The following GRAMD2A variants were observed in gnomAD, a reference collection of about 807,000 sequenced individuals.
GRAMD2A encodes the protein GRAM domain-containing protein 2A.
GRAMD2A carries 37 observed loss-of-function variants against 51.1 expected under a neutral mutation model. That is an observed-to-expected ratio of 0.72 (90% CI 0.56 to 0.95). GRAMD2A has a LOEUF of 0.95. GRAMD2A is among the 40% of genes least tolerant of loss of function. The pLI is 0.00. For missense variants in GRAMD2A, 414 were observed against 426.9 expected, an observed-to-expected ratio of 0.97 and a Z score of 0.27; for synonymous variants, 136 against 157.1, an observed-to-expected ratio of 0.87 and a Z score of 1.01.
Position 72,174,879 on chromosome 15 carries a change from C to T in GRAMD2A, c.42-4940G>A, listed in dbSNP as rs188742441. On this transcript the variant is annotated intron_variant, in intron 1 of 11. Transcript: ENST00000309731. ...CAGATACACAGGAGTCTAGGGGCCT[C>T]GTGGTGCACCTGACACAGGCATTCT... 2.0e-4 allele frequency among the ~76,000 whole-genome samples: 30 copies of T among 152,132 alleles called. 1 individual carries two copies. Among genetic ancestry groups the T allele is most frequent in the Admixed American group, 1.6e-3 (24 of 15,282 alleles).
At chr15:72,165,271 TG>T in intron 8 of GRAMD2A, 82 bp downstream of exon 8, 1 of 1,259,638 alleles carries the variant, frequency 7.9e-7, no homozygotes, top group Non-Finnish European at 1.2e-6. Flanking sequence ...TTCTGCATTG[TG>T]GGCCCCCCTA....
rs546446233 is a variant in GRAMD2A at position 72,188,332 on chromosome 15, G to T, written c.41+9399C>A. ...AGCCTGGGCAACAGAGCTAGACTTC[G>T]TCTCAAAGAAAAAAAAAAAAAAAGA... is the stretch of plus-strand genomic sequence containing the variant. On this transcript the variant is annotated intron_variant, in intron 1 of 11. Transcript: ENST00000309731. Among the ~76,000 whole-genome samples the T allele has an allele frequency of 8.3e-5, 12 of 144,790 alleles. No individual in the cohort carries two copies. The East Asian group carries it at 2.2e-3, about 26-fold the overall frequency. 95.0% of individuals were successfully genotyped at this position (144,790 alleles called of 152,430 possible).
chr15:72,178,812 G>A (rs143462564), intron 1 of GRAMD2A, among the ~76,000 whole-genome samples: 3,721 of 151,996 alleles, frequency 0.024, 102 homozygotes, highest in East Asian at 0.13. Flanking sequence ...CTGACCTTGT[G>A]ATCCGCCCGC....
rs1403324399 is a variant in GRAMD2A, at chr15:72,169,915, T to C, written c.66A>G (p.Thr22=). ...AGGACACAGGACTGTTCAGAGAAGC[T>C]GTCTTTCTGTGCATTTGTTGGTTGC... ...EGGNQQMHRK[T]ASLNSPVSCK... Residue 22 remains threonine, a synonymous_variant, in exon 2 of 12, where the codon ACA becomes ACG. Transcript: ENST00000309731. 10 of 1,614,062 alleles carry C rather than the reference T, an allele frequency of 6.2e-6. No individual in the cohort carries two copies. Among genetic ancestry groups the C allele is most frequent in the Non-Finnish European group, 7.6e-6 (9 of 1,180,006 alleles).
Position 72,160,018 on chromosome 15 carries a change from CAG to C in GRAMD2A, c.*1989_*1990del, listed in dbSNP as rs1038096010. 1.3e-5 allele frequency: 2 copies of C among 152,290 alleles called. No homozygotes were observed. Among genetic ancestry groups the C allele is most frequent in the African/African-American group, 2.4e-5 (1 of 41,402 alleles). The allele number at this position is 152,290 out of a possible 1,614,324, so 9.4% of individuals were successfully genotyped here. A position where few individuals can be genotyped will look rare whatever the true frequency, so the allele number is the denominator to read the frequency against. ...CAGGCAGGGGGACAACAGAGAGAAA[CAG>C]AGCACTATCTGGAGGGACAGGCACA... On this transcript the variant is annotated 3_prime_UTR_variant, in exon 12 of 12. Coordinates refer to ENST00000309731, the MANE Select transcript of GRAMD2A (RefSeq NM_001012642.3).
chr15:72,185,452 C>T (rs2081728878), intron 1 of GRAMD2A, among the ~76,000 whole-genome samples: 1 of 152,190 alleles, frequency 6.6e-6, no homozygotes, highest in Admixed American at 6.5e-5. Context: ...CCTCAGCCTC[C>T]CAAAGTGCTG....
intron 1 of GRAMD2A, among the ~76,000 whole-genome samples, chr15:72,182,286 G>C (rs1352834798): frequency 6.7e-6 from 1 of 149,020 alleles, no homozygotes; most frequent in Non-Finnish European, 1.5e-5. Flanking sequence ...AATTGTTTGA[G>C]CCCGGGAGGT....
At chr15:72,195,394 C>G (rs1185459044) in intron 1 of GRAMD2A, among the ~76,000 whole-genome samples, 1 of 152,122 alleles carries the variant, frequency 6.6e-6, no homozygotes, top group African/African-American at 2.4e-5. Context: ...AAACATGGTC[C>G]GTGGCAGGCA....
At chr15:72,193,321 A>C (rs140641636) in intron 1 of GRAMD2A, among the ~76,000 whole-genome samples, 17,722 of 146,948 alleles carry the variant, frequency 0.12, 1,458 homozygotes, top group Non-Finnish European at 0.18. Flanking sequence ...GGTTCAAGCG[A>C]TTTTCCTGCC....
chr15:72,168,276 G>C (rs1370434187), intron 4 of GRAMD2A, among the ~76,000 whole-genome samples: 2 of 152,198 alleles, frequency 1.3e-5, no homozygotes. Context: ...CCAAAGCCCT[G>C]ACGTTTCCCC....
chr15:72,177,837 C>A (rs1275716012), intron 1 of GRAMD2A, among the ~76,000 whole-genome samples: 1 of 152,214 alleles, frequency 6.6e-6, no homozygotes, highest in African/African-American at 2.4e-5. Context: ...AAGAGATTCT[C>A]ATGTATCAGC....
intron 1 of GRAMD2A, among the ~76,000 whole-genome samples, chr15:72,173,013 A>T (rs537250831): frequency 1.6e-4 from 25 of 152,276 alleles, no homozygotes; most frequent in African/African-American, 6.0e-4. Context: ...CTGTGGGCTC[A>T]GCTCTGAAGA....
At chr15:72,172,918 G>A (rs547494505) in intron 1 of GRAMD2A, among the ~76,000 whole-genome samples, 1 of 152,152 alleles carries the variant, frequency 6.6e-6, no homozygotes, top group Admixed American at 6.5e-5. Flanking sequence ...GGACAGGCCT[G>A]GGGGGAGTAG....
In GRAMD2A at chr15:72,160,584, C is replaced by G. The variant is rs542144075; in HGVS notation, c.*1425G>C. 6.6e-6 allele frequency: 1 copy of G among 152,318 alleles called. No individual in the cohort carries two copies. The highest frequency in any genetic ancestry group is 1.5e-5 in the Non-Finnish European group (1 of 68,032). 9.4% of individuals were successfully genotyped at this position (152,318 alleles called of 1,614,324 possible). On this transcript the variant is annotated 3_prime_UTR_variant, in exon 12 of 12. Coordinates refer to ENST00000309731, the MANE Select transcript of GRAMD2A (RefSeq NM_001012642.3). The stretch of plus-strand genomic sequence containing the variant: ...CTGGATTTCATTCCCTGATTAATCT[C>G]TCAGTGTCTGAAGAGGGGAAAACAG...
intron 1 of GRAMD2A, among the ~76,000 whole-genome samples, chr15:72,195,766 C>G (rs1327705544): frequency 1.3e-5 from 2 of 151,760 alleles, no homozygotes; most frequent in Admixed American, 6.6e-5. Context: ...CTAAAAAATA[C>G]AAAATTAGCC....
At chr15:72,163,810 C>A in intron 8 of GRAMD2A, 53 bp from the exon 9 acceptor site, 1 of 1,563,100 alleles carries the variant, frequency 6.4e-7, no homozygotes, top group Non-Finnish European at 8.6e-7. Flanking sequence ...ATCTCACTTG[C>A]CCTAAGGAGC....
At chr15:72,194,180 G>C (rs917078055) in intron 1 of GRAMD2A, among the ~76,000 whole-genome samples, 3 of 152,254 alleles carry the variant, frequency 2.0e-5, no homozygotes, top group African/African-American at 2.4e-5. Flanking sequence ...CATCAGAGAT[G>C]GCTGCAGAAT....
At position 72,161,601 on chromosome 15, in the gene GRAMD2A, TGGC is replaced by T; in HGVS notation, c.*405_*407del. 3.9e-6 allele frequency: 1 copy of T among 258,338 alleles called. No individual in the cohort carries two copies. The highest frequency in any genetic ancestry group is 7.6e-6 in the Non-Finnish European group (1 of 131,736). 16.0% of individuals were successfully genotyped at this position (258,338 alleles called of 1,614,324 possible). A position where few individuals can be genotyped will look rare whatever the true frequency, so the allele number is the denominator to read the frequency against. ...GACCCCACCATAGGAGTGAGCTGTG[TGGC>T]AGAGCCACATTCCAAATGCGAAAGC... On this transcript the variant is annotated 3_prime_UTR_variant, in exon 12 of 12. Transcript: ENST00000309731.
rs1464865217 is a variant in GRAMD2A at position 72,197,760 on chromosome 15, T to A, written c.12A>T (p.Leu4Phe). Reference sequence around the variant, plus strand: ...CCTCCTCGGTGGCCTCGCTCCGGCTTAAAGCGGTCATCCCGGCGCCTGCAC... The same window carrying A: ...CCTCCTCGGTGGCCTCGCTCCGGCTAAAAGCGGTCATCCCGGCGCCTGCAC... MTA[L>F]SRSEATEEGG... The change falls in exon 1 of 12, where the codon TTA (leucine) becomes TTT (phenylalanine). Residue 4 changes from leucine (L) to phenylalanine (F), a missense_variant. Leu to Phe is a conservative substitution (Grantham distance 22, BLOSUM62 0). Coordinates refer to ENST00000309731, the MANE Select transcript of GRAMD2A (RefSeq NM_001012642.3). 1.5e-6 allele frequency: 2 copies of A among 1,323,706 alleles called. No homozygotes were observed. The highest frequency in any genetic ancestry group is 1.5e-5 in the African/African-American group (1 of 64,938). The allele number at this position is 1,323,706 out of a possible 1,614,324, so 82.0% of individuals were successfully genotyped here.
Sources: gnomAD v4.1 joint callset for allele counts (sites outside exome capture counted in the v4.1 genomes callset) on GRCh38, gnomAD v4.1.1 for gene constraint, MANE v1.5 for transcripts, NCBI Gene and HGNC (gene_info 2026-07-23, HGNC 2026-07-21) for gene names.